COX10: variants seen among roughly 807,000 people sequenced by gnomAD.
The protein encoded by COX10 is cytochrome c oxidase assembly factor heme A:farnesyltransferase COX10.
COX10 carries 27 observed loss-of-function variants against 37.3 expected under a neutral mutation model. That is an observed-to-expected ratio of 0.72 (90% CI 0.53 to 1.00). COX10 has a LOEUF of 1.00. Among genes scored for constraint, COX10 ranks in the 50% least tolerant of loss-of-function variants. The pLI, the probability that COX10 is intolerant of heterozygous loss-of-function variation, is 0.00. For synonymous variants in COX10, 222 were observed against 229.1 expected (o/e 0.97, Z 0.28); for missense variants, 475 against 563.2 (o/e 0.84, Z 1.59).
intron 6 of COX10, among the ~76,000 whole-genome samples, chr17:14,194,787 C>T (rs890985676): frequency 1.3e-5 from 2 of 152,146 alleles, no homozygotes; most frequent in African/African-American, 4.8e-5. Flanking sequence ...CATTTGTATA[C>T]AAACTCATTA....
At chr17:14,129,728 C>T (rs1916423417) in intron 4 of COX10, among the ~76,000 whole-genome samples, 1 of 152,120 alleles carries the variant, frequency 6.6e-6, no homozygotes, top group South Asian at 2.1e-4. Context: ...CTGTTTGTGC[C>T]TAACAAAAAC....
chr17:14,194,539 G>A (rs1362750533), intron 6 of COX10, among the ~76,000 whole-genome samples: 1 of 152,132 alleles, frequency 6.6e-6, no homozygotes, highest in African/African-American at 2.4e-5. Context: ...CGATTCTCCT[G>A]CTTCAGCCTC....
Position 14,094,101 on chromosome 17 carries a change from T to G in COX10, c.500-8017T>G, listed in dbSNP as rs115499931. 2.6e-3 allele frequency among the ~76,000 whole-genome samples: 392 copies of G among 152,288 alleles called. 2 individuals are homozygous for G. Among genetic ancestry groups the G allele is most frequent in the African/African-American group, 8.9e-3 (371 of 41,582 alleles). On this transcript the variant is annotated intron_variant, in intron 3 of 6. Transcript: ENST00000261643. Reference sequence around the variant, plus strand: ...CAAATATTAGACATAAACCATATGATTCTCTTGATTAGACCCTGGTAGATT... The same window carrying G: ...CAAATATTAGACATAAACCATATGAGTCTCTTGATTAGACCCTGGTAGATT...
intron 4 of COX10, among the ~76,000 whole-genome samples, chr17:14,138,002 A>G (rs1904430195): frequency 6.8e-6 from 1 of 147,192 alleles, no homozygotes. Context: ...CAATCTTACT[A>G]CACTAAAATC....
In COX10 at chr17:14,207,776, T is replaced by TG. The variant is rs886052605; in HGVS notation, c.*564dup. The stretch of plus-strand genomic sequence containing the variant: ...ACAATACCAATAGCTAGGACCCGGC[T>TG]GCTGTGCACTGGGACTGGGGATTCC... On this transcript the variant is annotated 3_prime_UTR_variant, in exon 7 of 7. Coordinates refer to ENST00000261643, the MANE Select transcript of COX10 (RefSeq NM_001303.4). 6.6e-6 allele frequency: 1 copy of TG among 152,640 alleles called. No individual in the cohort carries two copies. The highest frequency in any genetic ancestry group is 6.5e-5 in the Admixed American group (1 of 15,320). 9.5% of individuals were successfully genotyped at this position (152,640 alleles called of 1,614,324 possible). A position where few individuals can be genotyped will look rare whatever the true frequency, so the allele number is the denominator to read the frequency against.
intron 4 of COX10, among the ~76,000 whole-genome samples, chr17:14,106,021 GTT>G (rs5819457): frequency 6.6e-6 from 1 of 151,042 alleles, no homozygotes. Context: ...TTTTGTTTTT[GTT>G]TTTTTTTGAG....
chr17:14,069,518 G>A lies in COX10; in HGVS notation c.-88G>A. 1.3e-6 allele frequency: 2 copies of A among 1,520,546 alleles called. No individual in the cohort carries two copies. The highest frequency in any genetic ancestry group is 2.7e-5 in the African/African-American group (2 of 73,172). The allele number at this position is 1,520,546 out of a possible 1,614,324, so 94.2% of individuals were successfully genotyped here. On this transcript the variant is annotated 5_prime_UTR_variant, in exon 1 of 7. Coordinates refer to ENST00000261643, the MANE Select transcript of COX10 (RefSeq NM_001303.4). The stretch of plus-strand genomic sequence containing the variant: ...GGCGGCCCGGAACTACTCCCACAGG[G>A]GGGCGGGGAAGGAAGATGGCGGCGC...
chr17:14,073,909 C>A (rs1915086346), intron 1 of COX10, among the ~76,000 whole-genome samples: 1 of 152,158 alleles, frequency 6.6e-6, no homozygotes, highest in Non-Finnish European at 1.5e-5. Flanking sequence ...TTGTCTTACC[C>A]TACTTAGTTA....
rs374312627 is a variant in COX10, at chr17:14,206,788, T to C, written c.929-22T>C. 2.5e-6 allele frequency: 4 copies of C among 1,612,898 alleles called. No individual in the cohort carries two copies. In the African/African-American group the frequency reaches 5.3e-5, roughly 22 times the overall value. On this transcript the variant is annotated intron_variant, in intron 6 of 6. Coordinates refer to ENST00000261643, the MANE Select transcript of COX10 (RefSeq NM_001303.4). ...GGTGATGACTGCCTTTGTCTCCCTC[T>C]CCTTCCCTGACCCCCGCACAGGCGC...
At chr17:14,185,825 A>G (rs1906009297) in intron 5 of COX10, among the ~76,000 whole-genome samples, 1 of 150,372 alleles carries the variant, frequency 6.7e-6, no homozygotes, top group Admixed American at 6.6e-5. Context: ...AAATGTGACA[A>G]AATAGTCCAG....
chr17:14,152,540 T>G (rs1342388508), intron 4 of COX10, among the ~76,000 whole-genome samples: 2 of 152,128 alleles, frequency 1.3e-5, no homozygotes, highest in African/African-American at 4.8e-5. Context: ...ATCAGGCTGA[T>G]GTAGGGGTTA....
chr17:14,103,045 T>C (rs1401169239), intron 4 of COX10, among the ~76,000 whole-genome samples: 2 of 152,216 alleles, frequency 1.3e-5, no homozygotes, highest in Non-Finnish European at 2.9e-5. Context: ...ATAGTCATTA[T>C]GGTTCTACAA....
chr17:14,204,154 G>T (rs1275218190), intron 6 of COX10, among the ~76,000 whole-genome samples: 1 of 152,098 alleles, frequency 6.6e-6, no homozygotes, highest in East Asian at 1.9e-4. Flanking sequence ...ACGGGAAAGT[G>T]AACATACCCT....
intron 4 of COX10, among the ~76,000 whole-genome samples, chr17:14,139,559 C>T (rs923845162): frequency 6.6e-6 from 1 of 152,110 alleles, no homozygotes; most frequent in Non-Finnish European, 1.5e-5. Flanking sequence ...CCTAGCTACA[C>T]CTTTCCTATG....
intron 4 of COX10, among the ~76,000 whole-genome samples, chr17:14,116,730 C>G (rs1423713283): frequency 6.6e-6 from 1 of 152,176 alleles, no homozygotes; most frequent in East Asian, 1.9e-4. Context: ...GATTTTCCAG[C>G]CAGTTCTTAC....
chr17:14,204,891 C>T (rs2142271643), intron 6 of COX10, among the ~76,000 whole-genome samples: 1 of 152,294 alleles, frequency 6.6e-6, no homozygotes, highest in African/African-American at 2.4e-5. Context: ...TGCTTGGGGC[C>T]AGGAGTTCAA....
chr17:14,200,638 G>A (rs879884781), intron 6 of COX10, among the ~76,000 whole-genome samples: 25 of 152,270 alleles, frequency 1.6e-4, no homozygotes, highest in Admixed American at 1.1e-3. Flanking sequence ...GGAAGCTGCC[G>A]TGCTCTGGAG....
At chr17:14,191,526 G>T (rs775523050) in intron 5 of COX10, among the ~76,000 whole-genome samples, 13 of 152,136 alleles carry the variant, frequency 8.5e-5, no homozygotes, top group Admixed American at 2.6e-4. Flanking sequence ...CAGAATTCAG[G>T]TAGTATTTTC....
chr17:14,121,243 A>C (rs546250420), intron 4 of COX10, among the ~76,000 whole-genome samples: 22 of 152,336 alleles, frequency 1.4e-4, no homozygotes, highest in Admixed American at 1.4e-3. Context: ...AGTAGGAAGT[A>C]ATGATTTTAA....
Sources: gnomAD v4.1 joint callset for allele counts (sites outside exome capture counted in the v4.1 genomes callset) on GRCh38, gnomAD v4.1.1 for gene constraint, MANE v1.5 for transcripts, NCBI Gene and HGNC (gene_info 2026-07-23, HGNC 2026-07-21) for gene names.